Variants in UBE2W observed in about 807,000 individuals in gnomAD.
UBE2W encodes the protein ubiquitin conjugating enzyme E2 W, also known as ubiquitin-conjugating enzyme E2 W.
Under a neutral mutation model 27.2 loss-of-function variants are expected in UBE2W, and 18 were observed. The ratio of observed to expected loss-of-function variants is 0.66; its 90% CI spans 0.46 to 0.98. The LOEUF (loss-of-function observed/expected upper bound fraction) is 0.98. Ranked by LOEUF, UBE2W falls within the 50% of genes least tolerant of loss-of-function variation. The pLI is 0.00. For missense variants in UBE2W, 90 were observed against 180.2 expected (o/e 0.50, Z 2.87); for synonymous variants, 53 against 57.2 (o/e 0.93, Z 0.33).
At chr8:73,832,450 A>G (rs1162462084) in intron 1 of UBE2W, among the ~76,000 whole-genome samples, 1 of 152,248 alleles carries the variant, frequency 6.6e-6, no homozygotes, top group Non-Finnish European at 1.5e-5. Context: ...CTTGACCAGT[A>G]AGTTTTGCAT....
downstream of UBE2W, among the ~76,000 whole-genome samples, chr8:73,782,277 T>C (rs915485190): frequency 6.6e-6 from 1 of 152,058 alleles, no homozygotes; most frequent in African/African-American, 2.4e-5. Flanking sequence ...TGAGGTATAA[T>C]GTACAATAAT....
At chr8:73,852,931 G>A (rs1201810212) in intron 1 of UBE2W, among the ~76,000 whole-genome samples, 1 of 152,190 alleles carries the variant, frequency 6.6e-6, no homozygotes, top group Non-Finnish European at 1.5e-5. Flanking sequence ...AAGACTGTAA[G>A]TTAGGTGCTG....
intron 1 of UBE2W, among the ~76,000 whole-genome samples, chr8:73,837,998 C>A (rs1810377096): frequency 6.6e-6 from 1 of 152,110 alleles, no homozygotes; most frequent in Admixed American, 6.6e-5. Flanking sequence ...TGAAGCATCT[C>A]AAATCTGGAG....
intron 3 of UBE2W, among the ~76,000 whole-genome samples, chr8:73,814,799 C>T (rs1563586306): frequency 6.6e-6 from 1 of 152,190 alleles, no homozygotes; most frequent in Non-Finnish European, 1.5e-5. Flanking sequence ...GGATTACAGG[C>T]GTGAGCCACT....
At chr8:73,869,965 C>CA (rs1170312590) in intron 1 of UBE2W, among the ~76,000 whole-genome samples, 4 of 151,992 alleles carry the variant, frequency 2.6e-5, no homozygotes, top group African/African-American at 9.7e-5. Flanking sequence ...AATCCAGAGA[C>CA]AAAAAATAGA....
chr8:73,853,516 C>T (rs1811161699), intron 1 of UBE2W, among the ~76,000 whole-genome samples: 1 of 152,160 alleles, frequency 6.6e-6, no homozygotes, highest in Non-Finnish European at 1.5e-5. Flanking sequence ...CTGCCTCAGC[C>T]TCAAAATGCA....
At chr8:73,822,846 G>GA (rs554280195) in intron 3 of UBE2W, among the ~76,000 whole-genome samples, 42 of 152,128 alleles carry the variant, frequency 2.8e-4, no homozygotes, top group African/African-American at 8.4e-4. Context: ...ATTAAGAAAA[G>GA]AATGGGCTAC....
At chr8:73,831,455 C>G (rs1046759023) in intron 1 of UBE2W, 6 of 156,428 alleles carry the variant, frequency 3.8e-5, no homozygotes, top group African/African-American at 1.4e-4. Context: ...CTGGAAGAAC[C>G]ACATCCTCTG....
Position 73,788,999 on chromosome 8 carries a change from A to G in UBE2W, c.*5103T>C, listed in dbSNP as rs1808078990. On this transcript the variant is annotated 3_prime_UTR_variant, in exon 6 of 6. Coordinates refer to ENST00000602593, the MANE Select transcript of UBE2W (RefSeq NM_018299.6). The stretch of plus-strand genomic sequence containing the variant: ...AAAAAAATAGTCATTTAATCATTCT[A>G]GAGACTCATCACAAAATACAAGTCA... 1 of 982,266 alleles carries G rather than the reference A, an allele frequency of 1.0e-6. No homozygotes were observed. The highest frequency in any genetic ancestry group is 1.2e-6 in the Non-Finnish European group (1 of 827,648). 60.8% of individuals were successfully genotyped at this position (982,266 alleles called of 1,614,324 possible). A position where few individuals can be genotyped will look rare whatever the true frequency, so the allele number is the denominator to read the frequency against.
In UBE2W at chr8:73,789,984, T is replaced by C; in HGVS notation, c.*4118A>G. ...TCCGAAAATAACAAAATTTCCTTAATATTAGTACTAAAGAACTAATTACAG... is the reference window on the plus strand; with the variant it reads ...TCCGAAAATAACAAAATTTCCTTAACATTAGTACTAAAGAACTAATTACAG... On this transcript the variant is annotated 3_prime_UTR_variant, in exon 6 of 6. Transcript: ENST00000602593. 2 of 984,270 alleles carry C rather than the reference T, an allele frequency of 2.0e-6. No homozygotes were observed. Among genetic ancestry groups the C allele is most frequent in the South Asian group, 4.7e-5 (1 of 21,260 alleles). 61.0% of individuals were successfully genotyped at this position (984,270 alleles called of 1,614,324 possible). A position where few individuals can be genotyped will look rare whatever the true frequency, so the allele number is the denominator to read the frequency against.
intron 3 of UBE2W, among the ~76,000 whole-genome samples, chr8:73,817,137 A>G (rs1809423148): frequency 6.6e-6 from 1 of 152,002 alleles, no homozygotes; most frequent in Admixed American, 6.5e-5. Flanking sequence ...CAGCCTGGCC[A>G]ACATGGTGAA....
intron 4 of UBE2W, among the ~76,000 whole-genome samples, chr8:73,807,224 T>C (rs1467523499): frequency 2.6e-5 from 4 of 152,220 alleles, no homozygotes; most frequent in Non-Finnish European, 4.4e-5. Flanking sequence ...GTATAGTGTA[T>C]ATGCAGGATT....
At chr8:73,855,394 CTTTTTTTTTTTT>C (rs66577299) in intron 1 of UBE2W, among the ~76,000 whole-genome samples, 3 of 84,708 alleles carry the variant, frequency 3.5e-5, no homozygotes, top group South Asian at 9.0e-4. Context: ...ATTCTACTTT[CTTTTTTTTTTTT>C]TTTTTTTTTT....
At position 73,789,727 on chromosome 8, in the gene UBE2W, A is replaced by G; in HGVS notation, c.*4375T>C. The G allele has an allele frequency of 4.9e-6, 1 of 203,302 alleles. No individual in the cohort carries two copies. The highest frequency in any genetic ancestry group is 8.7e-6 in the Non-Finnish European group (1 of 115,144). 12.6% of individuals were successfully genotyped at this position (203,302 alleles called of 1,614,324 possible). On this transcript the variant is annotated 3_prime_UTR_variant, in exon 6 of 6. Coordinates refer to ENST00000602593, the MANE Select transcript of UBE2W (RefSeq NM_018299.6). ...GCAGCACATGCCTGTAATCCCAGCT[A>G]CTCAAGAGGCTGAGGCAGGAGAATC...
At chr8:73,857,253 A>G (rs1009805313) in intron 1 of UBE2W, among the ~76,000 whole-genome samples, 2 of 152,212 alleles carry the variant, frequency 1.3e-5, no homozygotes, top group Admixed American at 6.5e-5. Flanking sequence ...GTAGGAAAAA[A>G]AAAATCACAT....
chr8:73,805,318 T>C (rs1563577664), intron 5 of UBE2W, among the ~76,000 whole-genome samples: 1 of 150,328 alleles, frequency 6.7e-6, no homozygotes. Context: ...CTGGGTGTGG[T>C]TGCACATGCC....
At chr8:73,819,565 T>C (rs530250201) in intron 3 of UBE2W, among the ~76,000 whole-genome samples, 17 of 152,324 alleles carry the variant, frequency 1.1e-4, no homozygotes, top group African/African-American at 3.8e-4. Context: ...ACCTGTATCC[T>C]AGCATAAAAA....
Position 73,792,245 on chromosome 8 carries a change from C to T in UBE2W, c.*1857G>A. 1.0e-6 allele frequency: 1 copy of T among 985,576 alleles called. No individual in the cohort carries two copies. The highest frequency in any genetic ancestry group is 1.2e-6 in the Non-Finnish European group (1 of 829,762). The allele number at this position is 985,576 out of a possible 1,614,324, so 61.1% of individuals were successfully genotyped here. The stretch of plus-strand genomic sequence containing the variant: ...GACAGAGATCATTGTGAGAATTTAT[C>T]TAGTCAAGATAGAACAAAAACGGTT... On this transcript the variant is annotated 3_prime_UTR_variant, in exon 6 of 6. Transcript: ENST00000602593.
chr8:73,816,341 G>C (rs1475787831), intron 3 of UBE2W, among the ~76,000 whole-genome samples: 1 of 152,114 alleles, frequency 6.6e-6, no homozygotes, highest in Non-Finnish European at 1.5e-5. Flanking sequence ...CAAGACGCTT[G>C]TCAATTTAAG....
Sources: gnomAD v4.1 joint callset for allele counts (sites outside exome capture counted in the v4.1 genomes callset) on GRCh38, gnomAD v4.1.1 for gene constraint, MANE v1.5 for transcripts, NCBI Gene and HGNC (gene_info 2026-07-23, HGNC 2026-07-21) for gene names.